The following ERG variants were observed in gnomAD, a reference collection of about 807,000 sequenced individuals.
The protein encoded by ERG is transcriptional regulator ERG.
Under a neutral mutation model 55.3 loss-of-function variants are expected in ERG, and 9 were observed. The observed-to-expected ratio is 0.16, with a 90% confidence interval of 0.10 to 0.28. The LOEUF (loss-of-function observed/expected upper bound fraction) is 0.28, where lower values mean the gene tolerates loss of function less well. Ranked by LOEUF, ERG falls within the 10% of genes least tolerant of loss-of-function variation. The pLI, the probability that ERG is intolerant of heterozygous loss-of-function variation, is 1.00. For missense variants in ERG, 434 were observed against 631.6 expected, an observed-to-expected ratio of 0.69 and a Z score of 3.35; for synonymous variants, 223 against 237.3, an observed-to-expected ratio of 0.94 and a Z score of 0.55.
chr21:38,513,046 G>A (rs1376926167), intron 2 of ERG, among the ~76,000 whole-genome samples: 37 of 151,812 alleles, frequency 2.4e-4, no homozygotes, highest in Non-Finnish European at 7.4e-5. Flanking sequence ...CAGGAGAATC[G>A]CTTGAACCAG....
chr21:38,529,015 C>T (rs7281004), intron 2 of ERG, among the ~76,000 whole-genome samples: 3,656 of 152,078 alleles, frequency 0.024, 139 homozygotes, highest in African/African-American at 0.083. Flanking sequence ...AGGGAGCACA[C>T]GGGCCCTGAG....
intron 1 of ERG, among the ~76,000 whole-genome samples, chr21:38,455,045 C>A (rs1293953277): frequency 6.6e-6 from 1 of 151,938 alleles, no homozygotes; most frequent in African/African-American, 2.4e-5. Context: ...CTCTACATAA[C>A]AAGATAATAA....
At chr21:38,372,610 T>G in the ERG span, among the ~76,000 whole-genome samples, 1 of 152,060 alleles carries the variant, frequency 6.6e-6, no homozygotes, top group Non-Finnish European at 1.5e-5. Context: ...TAAGTAAATT[T>G]TTCTACTTAA....
chr21:38,459,484 C>T (rs879811295), intron 1 of ERG, among the ~76,000 whole-genome samples: 27 of 152,226 alleles, frequency 1.8e-4, no homozygotes, highest in Admixed American at 7.9e-4. Flanking sequence ...TTTTATAGCA[C>T]GTCTTCACAG....
At chr21:38,621,068 G>C (rs1217640823) in intron 1 of ERG, among the ~76,000 whole-genome samples, 1 of 152,214 alleles carries the variant, frequency 6.6e-6, no homozygotes. Flanking sequence ...TAAAATTTTG[G>C]ATACAGGAAT....
At chr21:38,392,518 A>T (rs2146432483) in intron 6 of ERG, 74 bp from the exon 7 acceptor site, 2 of 1,061,592 alleles carry the variant, frequency 1.9e-6, no homozygotes, top group Non-Finnish European at 2.6e-6. Context: ...TTTTTATTTG[A>T]TTTTGTATTT....
chr21:38,622,058 C>T (rs1022700542), intron 1 of ERG, among the ~76,000 whole-genome samples: 2 of 152,240 alleles, frequency 1.3e-5, no homozygotes, highest in African/African-American at 4.8e-5. Flanking sequence ...CAGGTGCAGC[C>T]CCAGCTGTCC....
At chr21:38,462,592 T>C (rs1407897357) in intron 1 of ERG, among the ~76,000 whole-genome samples, 1 of 152,202 alleles carries the variant, frequency 6.6e-6, no homozygotes, top group Non-Finnish European at 1.5e-5. Context: ...TTCCTCAAGT[T>C]GACAACAGAG....
chr21:38,512,442 T>C (rs2059519759), intron 2 of ERG, among the ~76,000 whole-genome samples: 2 of 152,210 alleles, frequency 1.3e-5, no homozygotes, highest in South Asian at 4.1e-4. Flanking sequence ...CAATAGACAG[T>C]TATAAGTACA....
At chr21:38,595,725 G>A (rs938824837) in intron 1 of ERG, among the ~76,000 whole-genome samples, 9 of 152,166 alleles carry the variant, frequency 5.9e-5, no homozygotes, top group African/African-American at 2.2e-4. Context: ...GAGATGGAAA[G>A]AGCTTCTCAG....
intron 1 of ERG, among the ~76,000 whole-genome samples, chr21:38,455,842 C>G (rs569347679): frequency 6.7e-6 from 1 of 148,988 alleles, no homozygotes; most frequent in African/African-American, 2.5e-5. Flanking sequence ...TCAAAACAGC[C>G]TTAATTTTTT....
chr21:38,612,783 C>A (rs1462215639), intron 1 of ERG, among the ~76,000 whole-genome samples: 2 of 151,888 alleles, frequency 1.3e-5, no homozygotes, highest in Non-Finnish European at 2.9e-5. Context: ...CCTGCCTCAG[C>A]CTCCCAAGTA....
chr21:38,430,070 T>G (rs1482849237), intron 2 of ERG, among the ~76,000 whole-genome samples: 1 of 148,098 alleles, frequency 6.8e-6, no homozygotes, highest in African/African-American at 2.5e-5. Context: ...ACCATATCCA[T>G]GCCAACATCT....
chr21:38,595,332 C>T (rs1214637562), intron 1 of ERG, among the ~76,000 whole-genome samples: 3 of 152,004 alleles, frequency 2.0e-5, no homozygotes, highest in Admixed American at 6.6e-5. Flanking sequence ...GGGGAAGCCT[C>T]GGAATGCAAG....
rs190972628 is a variant in ERG, at chr21:38,487,532, C to G, written c.18+10831G>C. The stretch of plus-strand genomic sequence containing the variant: ...GGATGCCAACAGGGTCCTATCCCAT[C>G]AGGCATCCATGACAAATCTGTCTGC... On this transcript the variant is annotated intron_variant, in intron 1 of 9. Coordinates refer to ENST00000288319, the MANE Select transcript of ERG (RefSeq NM_182918.4). Among the ~76,000 whole-genome samples the G allele has an allele frequency of 1.4e-3, 217 of 152,330 alleles. 1 individual carries two copies. The highest frequency in any genetic ancestry group is 4.9e-3 in the African/African-American group (204 of 41,574).
intron 2 of ERG, among the ~76,000 whole-genome samples, chr21:38,530,598 T>C (rs924131927): frequency 6.6e-6 from 1 of 152,152 alleles, no homozygotes; most frequent in African/African-American, 2.4e-5. Flanking sequence ...CGGTGTAGAA[T>C]TGGCAAGTAT....
At chr21:38,492,830 A>C (rs1201304042) in intron 1 of ERG, among the ~76,000 whole-genome samples, 1 of 152,206 alleles carries the variant, frequency 6.6e-6, no homozygotes, top group Non-Finnish European at 1.5e-5. Flanking sequence ...AAGAAAAAAA[A>C]TCCAGAGGTC....
At chr21:38,396,694 G>A (rs1339201840) in intron 6 of ERG, among the ~76,000 whole-genome samples, 1 of 152,204 alleles carries the variant, frequency 6.6e-6, no homozygotes, top group Non-Finnish European at 1.5e-5. Flanking sequence ...CTCCTAAGAG[G>A]ACAGGCAGGG....
chr21:38,446,684 A>T (rs900239824), intron 1 of ERG, among the ~76,000 whole-genome samples: 26 of 151,452 alleles, frequency 1.7e-4, no homozygotes, highest in Non-Finnish European at 2.1e-4. Context: ...ATTTTTATTT[A>T]AAAAAAAAGA....
Sources: gnomAD v4.1 joint callset for allele counts (sites outside exome capture counted in the v4.1 genomes callset) on GRCh38, gnomAD v4.1.1 for gene constraint, MANE v1.5 for transcripts, NCBI Gene and HGNC (gene_info 2026-07-23, HGNC 2026-07-21) for gene names.